Variants in ZNF831 observed in about 807,000 individuals in gnomAD.
The protein encoded by ZNF831 is zinc finger protein 831.
A neutral mutation model predicts 95.8 loss-of-function variants in ZNF831; 59 were observed. The ratio of observed to expected loss-of-function variants is 0.62; its 90% CI spans 0.50 to 0.77. ZNF831 has a LOEUF of 0.77. ZNF831 is among the 30% of genes least tolerant of loss of function. The probability of loss-of-function intolerance (pLI) is 0.00; values close to 1 mark genes in which losing one functional copy is unlikely to be tolerated. For missense variants in ZNF831, 2,205 were observed against 2,164.0 expected, an observed-to-expected ratio of 1.02 and a Z score of -0.38; for synonymous variants, 961 against 925.5, an observed-to-expected ratio of 1.04 and a Z score of -0.70.
intron 2 of ZNF831, among the ~76,000 whole-genome samples, chr20:59,148,707 AAAAAAAAAAAAAAAAAAG>A (rs1249682945): frequency 0.03 from 2,861 of 94,578 alleles, 318 homozygotes; most frequent in Non-Finnish European, 0.045. Flanking sequence ...AAAAAAAAAA[AAAAAAAAAAAAAAAAAAG>A]AACAGAGCGT....
chr20:59,135,309 G>A (rs1422484308), intron 1 of ZNF831, among the ~76,000 whole-genome samples: 1 of 152,228 alleles, frequency 6.6e-6, no homozygotes, highest in East Asian at 1.9e-4. Flanking sequence ...TGGCAGAGCT[G>A]GGTGTGGCAA....
intron 1 of ZNF831, among the ~76,000 whole-genome samples, chr20:59,136,491 C>T (rs1979512733): frequency 6.6e-6 from 1 of 152,200 alleles, no homozygotes; most frequent in South Asian, 2.1e-4. Flanking sequence ...AGGACACCAG[C>T]TCTGTCCTGA....
chr20:59,182,980 G>A (rs1049512046), intron 1 of ZNF831, among the ~76,000 whole-genome samples: 1 of 152,180 alleles, frequency 6.6e-6, no homozygotes, highest in Non-Finnish European at 1.5e-5. Flanking sequence ...GCGCACATAA[G>A]GTAAGTTGTA....
At chr20:59,179,804 A>G (rs1982466233) in intron 1 of ZNF831, among the ~76,000 whole-genome samples, 1 of 152,138 alleles carries the variant, frequency 6.6e-6, no homozygotes, top group Non-Finnish European at 1.5e-5. Context: ...CAAAGACCCT[A>G]TTTCCAAATA....
chr20:59,134,742 T>C (rs879686290), intron 1 of ZNF831, among the ~76,000 whole-genome samples: 2 of 152,260 alleles, frequency 1.3e-5, no homozygotes, highest in Non-Finnish European at 2.9e-5. Context: ...GGAGCGTCTG[T>C]AGTCTTCCTC....
chr20:59,178,751 G>T (rs1273805897), intron 1 of ZNF831, among the ~76,000 whole-genome samples: 1 of 152,146 alleles, frequency 6.6e-6, no homozygotes, highest in African/African-American at 2.4e-5. Flanking sequence ...CTTTTACTTT[G>T]GCCAGGCATG....
chr20:59,181,121 A>C (rs943866144), intron 1 of ZNF831, among the ~76,000 whole-genome samples: 1 of 152,182 alleles, frequency 6.6e-6, no homozygotes, highest in African/African-American at 2.4e-5. Context: ...TTCTCTAATG[A>C]CCAGTGATGA....
intron 4 of ZNF831, among the ~76,000 whole-genome samples, chr20:59,237,007 A>G (rs1203060210): frequency 5.3e-5 from 8 of 152,152 alleles, no homozygotes; most frequent in African/African-American, 1.7e-4. Context: ...GCATTTCCAC[A>G]TAATGTCCCT....
At chr20:59,188,647 A>T (rs978961769) in intron 1 of ZNF831, among the ~76,000 whole-genome samples, 3 of 149,086 alleles carry the variant, frequency 2.0e-5, no homozygotes, top group Non-Finnish European at 3.0e-5. Context: ...ACAGAGTGAG[A>T]CTCCATCTCA....
At chr20:59,194,799 A>T in intron 2 of ZNF831, 42 bp downstream of exon 2, 1 of 1,512,998 alleles carries the variant, frequency 6.6e-7, no homozygotes, top group Non-Finnish European at 8.8e-7. Flanking sequence ...TTGAGAGAGC[A>T]TGTTGTTATC....
chr20:59,172,410 A>G (rs974559009), intron 1 of ZNF831, among the ~76,000 whole-genome samples: 5 of 152,162 alleles, frequency 3.3e-5, no homozygotes, highest in African/African-American at 1.2e-4. Context: ...GGTGTCCCCT[A>G]CAGCTCTTCC....
chr20:59,186,645 A>G (rs1014513352), intron 1 of ZNF831, among the ~76,000 whole-genome samples: 1 of 152,198 alleles, frequency 6.6e-6, no homozygotes, highest in Non-Finnish European at 1.5e-5. Flanking sequence ...ATTCTCAGCT[A>G]GTAGAAAGGT....
rs1206421494 is a variant in ZNF831 at position 59,191,903 on chromosome 20, C to T, written c.884C>T (p.Thr295Ile). The change falls in exon 2 of 6, where the codon ACA becomes ATA. Residue 295 changes from threonine to isoleucine, a missense_variant. Thr to Ile is a moderately conservative substitution (Grantham distance 89). Coordinates refer to ENST00000371030, the MANE Select transcript of ZNF831 (RefSeq NM_178457.3). Reference protein sequence around the residue: ...MASPGLPAASTQPWRKLPEQK... With the variant: ...MASPGLPAASIQPWRKLPEQK... ...TCACCTGGGCTCCCAGCGGCCAGCA[C>T]ACAACCCTGGCGTAAGTTGCCAGAG... The T allele has an allele frequency of 6.2e-7, 1 of 1,612,738 alleles. No individual in the cohort carries two copies. Among genetic ancestry groups the T allele is most frequent in the Admixed American group, 1.7e-5 (1 of 60,020 alleles).
In ZNF831 at chr20:59,169,633, G is replaced by A. The variant is rs1981565918; in HGVS notation, c.-37+5426G>A. Among the ~76,000 whole-genome samples, 1 of 152,110 alleles carries A rather than the reference G, an allele frequency of 6.6e-6. No homozygotes were observed. Among genetic ancestry groups the A allele is most frequent in the African/African-American group, 2.4e-5 (1 of 41,400 alleles). On this transcript the variant is annotated intron_variant, in intron 1 of 5. Transcript: ENST00000371030. The surrounding 1 kb of genome is among the most constrained non-coding windows in gnomAD (Gnocchi z 4.1). ...ATACAAAAATTAGCCCGGTGTGGTG[G>A]TGCGCACCTGTAATCCCAGCATGTT...
At chr20:59,167,382 T>C (rs1162950699) in intron 1 of ZNF831, among the ~76,000 whole-genome samples, 1 of 152,028 alleles carries the variant, frequency 6.6e-6, no homozygotes, top group Non-Finnish European at 1.5e-5. Context: ...TCCAGATCTG[T>C]AGCTAGTTTT....
At chr20:59,223,842 G>A (rs138152463) in intron 4 of ZNF831, among the ~76,000 whole-genome samples, 302 of 151,966 alleles carry the variant, frequency 2.0e-3, no homozygotes, top group African/African-American at 6.9e-3. Context: ...ACGCACGGAC[G>A]TGCACTTGCA....
upstream of ZNF831, among the ~76,000 whole-genome samples, chr20:59,161,619 C>G (rs1487701799): frequency 6.6e-6 from 1 of 152,148 alleles, no homozygotes; most frequent in Admixed American, 6.6e-5. Context: ...TTTGTATATT[C>G]CGTGGTGTAT....
Position 59,127,615 on chromosome 20 carries a change from C to T in ZNF831, c.-1425+4110C>T, listed in dbSNP as rs151329500. Among the ~76,000 whole-genome samples the T allele has an allele frequency of 1.8e-4, 28 of 152,316 alleles. No homozygotes were observed. The East Asian group carries it at 5.4e-3, about 29-fold the overall frequency. On this transcript the variant is annotated intron_variant, in intron 1 of 7. Transcript: ENST00000637017. ...CGGGCTCACTCCTACTTTATTTGATCTCTACTCAAAGGTCTCCTACTTTAT... is the reference window on the plus strand; with the variant it reads ...CGGGCTCACTCCTACTTTATTTGATTTCTACTCAAAGGTCTCCTACTTTAT...
At position 59,208,773 on chromosome 20, in the gene ZNF831, C is replaced by T. The variant is rs952705006; in HGVS notation, c.4027+1717C>T. 6.6e-6 allele frequency among the ~76,000 whole-genome samples: 1 copy of T among 152,154 alleles called. No homozygotes were observed. Among genetic ancestry groups the T allele is most frequent in the Non-Finnish European group, 1.5e-5 (1 of 68,016 alleles). ...TTTATGGGGTAGAGCTTGGATGGAA[C>T]CCCTGCTGAGACGCTGGCAGAGAGC... is the stretch of plus-strand genomic sequence containing the variant. On this transcript the variant is annotated intron_variant, in intron 4 of 5. Transcript: ENST00000371030. The surrounding 1 kb of genome is among the most constrained non-coding windows in gnomAD (Gnocchi z 4.2).
Sources: allele counts gnomAD v4.1 joint callset (sites outside exome capture counted in the v4.1 genomes callset), GRCh38; gene constraint gnomAD v4.1.1; non-coding constraint Gnocchi (gnomAD v3.1); transcripts MANE v1.5; gene names NCBI Gene and HGNC (gene_info 2026-07-23, HGNC 2026-07-21).